Variants in RANBP2 observed in about 807,000 individuals in gnomAD.
The protein encoded by RANBP2 is RAN binding protein 2.
In RANBP2, 57 loss-of-function variants were observed where a neutral mutation model predicts 303.6. That is an observed-to-expected ratio of 0.19 (90% CI 0.15 to 0.23). The LOEUF is 0.23. Among genes scored for constraint, RANBP2 ranks in the 10% least tolerant of loss-of-function variants. The pLI is 1.00. For missense variants in RANBP2, 3,138 were observed against 3,780.8 expected (o/e 0.83, Z 4.46); for synonymous variants, 1,167 against 1,301.5 (o/e 0.90, Z 2.23).
the RANBP2 span, among the ~76,000 whole-genome samples, chr2:109,458,597 A>AGAGAGAGAGAGAGT: frequency 1.8e-4 from 27 of 150,474 alleles, no homozygotes; most frequent in African/African-American, 6.7e-4. Flanking sequence ...AGAGAGAGAG[A>AGAGAGAGAGAGAGT]GAGAATTTAT....
the RANBP2 span, among the ~76,000 whole-genome samples, chr2:109,510,107 C>T: frequency 4.6e-5 from 7 of 152,220 alleles, no homozygotes; most frequent in Admixed American, 2.6e-4. Context: ...TTGGCGGGAA[C>T]GGTGTGTGTG....
At chr2:109,049,199 G>A in the RANBP2 span, among the ~76,000 whole-genome samples, 3 of 152,212 alleles carry the variant, frequency 2.0e-5, no homozygotes, top group African/African-American at 7.2e-5. Context: ...GGAACAGGGA[G>A]TTTACACTTC....
At chr2:108,794,008 C>G in the RANBP2 span, among the ~76,000 whole-genome samples, 6 of 152,036 alleles carry the variant, frequency 3.9e-5, no homozygotes, top group African/African-American at 7.2e-5. Context: ...ATGCTGTATA[C>G]AGTGTTTGCA....
At chr2:109,472,110 TATTATTA>T in the RANBP2 span, among the ~76,000 whole-genome samples, 35 of 152,328 alleles carry the variant, frequency 2.3e-4, no homozygotes, top group African/African-American at 8.4e-4. Flanking sequence ...GATTGTTAAT[TATTATTA>T]ATTAGTTAAT....
chr2:109,680,572 G>A, the RANBP2 span, among the ~76,000 whole-genome samples: 2 of 152,090 alleles, frequency 1.3e-5, no homozygotes, highest in Non-Finnish European at 2.9e-5. Flanking sequence ...AATGTGTGTT[G>A]AGCAGCACTT....
the RANBP2 span, among the ~76,000 whole-genome samples, chr2:108,910,254 G>A: frequency 6.6e-6 from 1 of 152,338 alleles, no homozygotes; most frequent in Non-Finnish European, 1.5e-5. Context: ...CCTGACCCGA[G>A]AGCAGCAGGC....
the RANBP2 span, among the ~76,000 whole-genome samples, chr2:109,367,675 A>G: frequency 4.1e-3 from 624 of 152,296 alleles, 3 homozygotes; most frequent in African/African-American, 0.014. Flanking sequence ...CATTGAATGC[A>G]CAATACTGTA....
At chr2:109,325,925 C>T in the RANBP2 span, among the ~76,000 whole-genome samples, 3 of 152,186 alleles carry the variant, frequency 2.0e-5, no homozygotes, top group South Asian at 4.1e-4. Flanking sequence ...AATGAATAGT[C>T]TTTCTGCTTT....
the RANBP2 span, among the ~76,000 whole-genome samples, chr2:108,890,746 A>T: frequency 6.6e-6 from 1 of 152,090 alleles, no homozygotes; most frequent in Non-Finnish European, 1.5e-5. Context: ...TTATTTTATT[A>T]ATTAAATTTT....
chr2:109,357,174 GTTTTTT>G, the RANBP2 span, among the ~76,000 whole-genome samples: 1 of 150,058 alleles, frequency 6.7e-6, no homozygotes, highest in African/African-American at 2.5e-5. Context: ...ATATATTCTT[GTTTTTT>G]GTTTTTTGGT....
chr2:109,153,173 T>C, the RANBP2 span, among the ~76,000 whole-genome samples: 10 of 152,288 alleles, frequency 6.6e-5, no homozygotes, highest in Admixed American at 1.3e-4. Context: ...GCATCTAAAC[T>C]TATGCACTGC....
the RANBP2 span, among the ~76,000 whole-genome samples, chr2:108,877,454 A>C: frequency 6.6e-6 from 1 of 152,316 alleles, no homozygotes; most frequent in East Asian, 1.9e-4. Flanking sequence ...CAACAAAGTG[A>C]GATTCTGTCT....
the RANBP2 span, among the ~76,000 whole-genome samples, chr2:109,714,916 T>C: frequency 2.1e-5 from 3 of 139,936 alleles, no homozygotes; most frequent in African/African-American, 7.9e-5. Flanking sequence ...GGGCTTGTGC[T>C]ATTTTTAAAC....
the RANBP2 span, among the ~76,000 whole-genome samples, chr2:109,331,820 C>G: frequency 6.6e-6 from 1 of 152,130 alleles, no homozygotes; most frequent in African/African-American, 2.4e-5. Flanking sequence ...GTCTCGTGTT[C>G]AGATCTTTGC....
At chr2:109,698,837 G>A in the RANBP2 span, among the ~76,000 whole-genome samples, 1 of 152,198 alleles carries the variant, frequency 6.6e-6, no homozygotes, top group Non-Finnish European at 1.5e-5. Flanking sequence ...TGAGGCTGAG[G>A]CTGGAGAATC....
chr2:108,974,485 A>G, the RANBP2 span, among the ~76,000 whole-genome samples: 4 of 151,876 alleles, frequency 2.6e-5, no homozygotes. Flanking sequence ...TAATCCCAGC[A>G]CTTTGGGAGG....
At chr2:108,845,466 A>G in the RANBP2 span, among the ~76,000 whole-genome samples, 1 of 152,174 alleles carries the variant, frequency 6.6e-6, no homozygotes, top group Non-Finnish European at 1.5e-5. Flanking sequence ...ACTCAGTCAC[A>G]TGAGATTGGA....
At chr2:109,055,366 C>CTTTT in the RANBP2 span, among the ~76,000 whole-genome samples, 5 of 133,450 alleles carry the variant, frequency 3.7e-5, no homozygotes, top group Non-Finnish European at 4.7e-5. Flanking sequence ...TTTTTCTTTT[C>CTTTT]TTTTTTTTTT....
chr2:109,200,320 G>A, the RANBP2 span, among the ~76,000 whole-genome samples: 1 of 152,144 alleles, frequency 6.6e-6, no homozygotes, highest in Admixed American at 6.5e-5. Flanking sequence ...AGACCCTGCC[G>A]CAGAACTCAC....
Sources: allele counts gnomAD v4.1 joint callset (sites outside exome capture counted in the v4.1 genomes callset), GRCh38; gene constraint gnomAD v4.1.1; transcripts MANE v1.5; gene names NCBI Gene and HGNC (gene_info 2026-07-23, HGNC 2026-07-21).